The following NR6A1 variants were observed in gnomAD, a reference collection of about 807,000 sequenced individuals.
NR6A1 encodes retinoic acid receptor-related testis-associated receptor.
Under a neutral mutation model 59.1 loss-of-function variants are expected in NR6A1, and 7 were observed. The observed-to-expected ratio is 0.12, with a 90% CI of 0.07 to 0.22. The LOEUF (loss-of-function observed/expected upper bound fraction) is 0.22, where lower values mean the gene tolerates loss of function less well. NR6A1 is among the 10% of genes least tolerant of loss of function. The pLI is 1.00. For missense variants in NR6A1, 468 were observed against 611.6 expected (o/e 0.77, Z 2.48); for synonymous variants, 243 against 236.1 (o/e 1.03, Z -0.27).
chr9:124,643,485 A>C (rs902330704), intron 2 of NR6A1, among the ~76,000 whole-genome samples: 8 of 151,852 alleles, frequency 5.3e-5, no homozygotes, highest in Non-Finnish European at 1.0e-4. Context: ...CTGTAGTCCC[A>C]GGTACTCGGG....
At chr9:124,642,979 T>C (rs531910324) in intron 2 of NR6A1, among the ~76,000 whole-genome samples, 2 of 151,936 alleles carry the variant, frequency 1.3e-5, no homozygotes, top group East Asian at 1.9e-4. Context: ...GAAAGAACGA[T>C]TGGTGTAGGT....
intron 1 of NR6A1, among the ~76,000 whole-genome samples, chr9:124,769,753 T>A (rs1384018700): frequency 6.6e-6 from 1 of 151,792 alleles, no homozygotes; most frequent in Non-Finnish European, 1.5e-5. Context: ...ACAGGGCAAA[T>A]AAATAAATCG....
At chr9:124,688,612 C>T (rs979400043) in intron 2 of NR6A1, among the ~76,000 whole-genome samples, 2 of 152,204 alleles carry the variant, frequency 1.3e-5, no homozygotes, top group Non-Finnish European at 2.9e-5. Context: ...TTCACTGCTA[C>T]TGGCCAAGTA....
chr9:124,691,956 G>C (rs890276298), intron 2 of NR6A1, among the ~76,000 whole-genome samples: 1 of 152,180 alleles, frequency 6.6e-6, no homozygotes, highest in African/African-American at 2.4e-5. Context: ...TTCTGTAGTA[G>C]ACAACAGAAG....
intron 2 of NR6A1, among the ~76,000 whole-genome samples, chr9:124,685,315 C>G (rs1838297442): frequency 6.6e-6 from 1 of 152,306 alleles, no homozygotes; most frequent in Non-Finnish European, 1.5e-5. Context: ...TTTCCCATCG[C>G]TACCACTTTT....
intron 1 of NR6A1, among the ~76,000 whole-genome samples, chr9:124,736,010 G>C (rs1159563523): frequency 6.6e-6 from 1 of 152,156 alleles, no homozygotes; most frequent in Non-Finnish European, 1.5e-5. Flanking sequence ...CAGGCAATGA[G>C]AAAATAATTC....
intron 2 of NR6A1, among the ~76,000 whole-genome samples, chr9:124,632,310 G>A (rs766837376): frequency 3.3e-5 from 5 of 152,088 alleles, no homozygotes; most frequent in East Asian, 1.9e-4. Context: ...CCTTTTTCTC[G>A]ACAATCTTGC....
chr9:124,588,941 A>C (rs1835020406), intron 2 of NR6A1, among the ~76,000 whole-genome samples: 1 of 151,364 alleles, frequency 6.6e-6, no homozygotes, highest in Non-Finnish European at 1.5e-5. Context: ...AAAGAAAGAA[A>C]AAAAAAACAG....
At chr9:124,646,739 C>T (rs1359618248) in intron 2 of NR6A1, among the ~76,000 whole-genome samples, 1 of 152,098 alleles carries the variant, frequency 6.6e-6, no homozygotes, top group African/African-American at 2.4e-5. Flanking sequence ...CATTCAAAGC[C>T]ATCCTGGGTT....
intron 3 of NR6A1, among the ~76,000 whole-genome samples, chr9:124,549,218 T>C (rs890996005): frequency 2.3e-5 from 3 of 133,084 alleles, no homozygotes; most frequent in East Asian, 4.0e-4. Flanking sequence ...AAGTCAGGAG[T>C]AGAAGAAGGG....
chr9:124,703,886 C>G (rs1193648604), intron 2 of NR6A1, among the ~76,000 whole-genome samples: 1 of 151,910 alleles, frequency 6.6e-6, no homozygotes, highest in Non-Finnish European at 1.5e-5. Context: ...CCTTCAACTC[C>G]TGGCCTCATG....
chr9:124,553,203 G>A (rs543668539), intron 3 of NR6A1, among the ~76,000 whole-genome samples: 1 of 152,296 alleles, frequency 6.6e-6, no homozygotes, highest in Non-Finnish European at 1.5e-5. Context: ...TCTTTCTGCT[G>A]AATGACACTG....
intron 2 of NR6A1, among the ~76,000 whole-genome samples, chr9:124,681,893 T>G (rs562381826): frequency 6.6e-6 from 1 of 152,210 alleles, no homozygotes; most frequent in African/African-American, 2.4e-5. Context: ...AAATGCAAGA[T>G]AGACAAATGA....
intron 7 of NR6A1, among the ~76,000 whole-genome samples, chr9:124,532,777 G>A (rs1362727147): frequency 6.6e-6 from 1 of 152,168 alleles, no homozygotes; most frequent in Non-Finnish European, 1.5e-5. Flanking sequence ...ATTTGTACTA[G>A]TAGCCACTCG....
chr9:124,606,113 C>T (rs1226959214), intron 2 of NR6A1, among the ~76,000 whole-genome samples: 1 of 152,206 alleles, frequency 6.6e-6, no homozygotes, highest in African/African-American at 2.4e-5. Flanking sequence ...CTTCTCCCTT[C>T]TCATATTCCC....
At chr9:124,630,670 C>CTTTTTTTTTTTTTTTTTTT (rs71372980) in intron 2 of NR6A1, among the ~76,000 whole-genome samples, 1 of 59,504 alleles carries the variant, frequency 1.7e-5, no homozygotes, top group East Asian at 5.6e-4. Context: ...TACTACATTT[C>CTTTTTTTTTTTTTTTTTTT]TTTTTTTTTT....
chr9:124,693,216 T>G (rs1178562539), intron 2 of NR6A1, among the ~76,000 whole-genome samples: 1 of 152,158 alleles, frequency 6.6e-6, no homozygotes, highest in African/African-American at 2.4e-5. Context: ...CTCAGTTTTC[T>G]CACATATAAA....
At chr9:124,663,793 T>C (rs1164391641) in intron 2 of NR6A1, among the ~76,000 whole-genome samples, 2 of 152,118 alleles carry the variant, frequency 1.3e-5, no homozygotes, top group African/African-American at 4.8e-5. Context: ...CTTAGAAACA[T>C]AAATATTGAA....
intron 2 of NR6A1, among the ~76,000 whole-genome samples, chr9:124,704,487 C>G (rs1055591763): frequency 1.3e-5 from 2 of 151,826 alleles, no homozygotes; most frequent in Admixed American, 6.6e-5. Flanking sequence ...CATAGCTCAC[C>G]GCAGCCTCAA....
Sources: gnomAD v4.1 joint callset for allele counts (sites outside exome capture counted in the v4.1 genomes callset) on GRCh38, gnomAD v4.1.1 for gene constraint, MANE v1.5 for transcripts, NCBI Gene and HGNC (gene_info 2026-07-23, HGNC 2026-07-21) for gene names.